The following TNFAIP8 variants were observed in gnomAD, a reference collection of about 807,000 sequenced individuals.
TNFAIP8 encodes tumor necrosis factor alpha-induced protein 8.
Under a neutral mutation model 13.3 loss-of-function variants are expected in TNFAIP8, and 7 were observed. The observed-to-expected ratio is 0.52, with a 90% CI of 0.30 to 0.99. TNFAIP8 has a LOEUF of 0.99. TNFAIP8 is among the 50% of genes least tolerant of loss of function. TNFAIP8 has a pLI of 0.07. For missense variants in TNFAIP8, 258 were observed against 236.9 expected, an observed-to-expected ratio of 1.09 and a Z score of -0.58; for synonymous variants, 94 against 87.6, an observed-to-expected ratio of 1.07 and a Z score of -0.41.
intron 1 of TNFAIP8, among the ~76,000 whole-genome samples, chr5:119,360,717 T>C (rs1340818272): frequency 6.6e-6 from 1 of 152,108 alleles, no homozygotes; most frequent in Non-Finnish European, 1.5e-5. Flanking sequence ...TCCTGGGTAT[T>C]TGTATGCACT....
intron 1 of TNFAIP8, among the ~76,000 whole-genome samples, chr5:119,292,682 AT>A (rs1259674047): frequency 2.4e-5 from 1 of 41,212 alleles, no homozygotes; most frequent in African/African-American, 6.0e-5. Context: ...ATATATATAT[AT>A]ATACACACAC....
At chr5:119,314,238 G>T (rs1469184902) in intron 1 of TNFAIP8, among the ~76,000 whole-genome samples, 1 of 152,204 alleles carries the variant, frequency 6.6e-6, no homozygotes, top group Non-Finnish European at 1.5e-5. Context: ...TTGTTCATTT[G>T]TGAATCTCCA....
intron 1 of TNFAIP8, among the ~76,000 whole-genome samples, chr5:119,329,886 G>A (rs1166389574): frequency 6.6e-6 from 1 of 151,946 alleles, no homozygotes; most frequent in Non-Finnish European, 1.5e-5. Flanking sequence ...TATGTGAGAA[G>A]TGAGTCTGAC....
chr5:119,355,964 G>T (rs1269602138), upstream of TNFAIP8: 22 of 1,484,244 alleles, frequency 1.5e-5, no homozygotes, highest in Non-Finnish European at 2.0e-5. Flanking sequence ...CCCCGGGGAG[G>T]TTTTGATTTT....
At chr5:119,333,550 A>T (rs1238309185) in intron 1 of TNFAIP8, 1 of 1,534,510 alleles carries the variant, frequency 6.5e-7, no homozygotes, top group Admixed American at 2.0e-5. Flanking sequence ...GGTTGCATGC[A>T]TTCCTCAAGT....
upstream of TNFAIP8, chr5:119,355,894 A>C: frequency 3.3e-6 from 4 of 1,205,656 alleles, no homozygotes; most frequent in Non-Finnish European, 3.1e-6. Flanking sequence ...CTGACACGCG[A>C]TTCGTCACTC....
intron 1 of TNFAIP8, among the ~76,000 whole-genome samples, chr5:119,358,291 C>CT (rs1356413441): frequency 6.6e-6 from 1 of 152,122 alleles, no homozygotes; most frequent in Non-Finnish European, 1.5e-5. Context: ...GGGGTTGAAT[C>CT]TAAGTCCTTG....
At chr5:119,269,542 C>T (rs1315218381) in intron 1 of TNFAIP8, among the ~76,000 whole-genome samples, 1 of 152,208 alleles carries the variant, frequency 6.6e-6, no homozygotes, top group Non-Finnish European at 1.5e-5. Flanking sequence ...GCTCCACGGA[C>T]TCCTCGCGAC....
chr5:119,388,332 A>G (rs1580450626), intron 1 of TNFAIP8, among the ~76,000 whole-genome samples: 1 of 152,216 alleles, frequency 6.6e-6, no homozygotes, highest in African/African-American at 2.4e-5. Flanking sequence ...ACCTTTTAAT[A>G]CAACAAACAA....
intron 1 of TNFAIP8, among the ~76,000 whole-genome samples, chr5:119,305,315 A>C (rs540489621): frequency 6.6e-6 from 1 of 152,338 alleles, no homozygotes; most frequent in South Asian, 2.1e-4. Context: ...CTAGTTCTCA[A>C]GGAGGAGATG....
intron 1 of TNFAIP8, among the ~76,000 whole-genome samples, chr5:119,365,437 T>C (rs1751811522): frequency 6.6e-6 from 1 of 152,220 alleles, no homozygotes; most frequent in Non-Finnish European, 1.5e-5. Context: ...GCTTATTCCT[T>C]GTGAGAACCA....
At chr5:119,307,868 A>G in intron 1 of TNFAIP8, among the ~76,000 whole-genome samples, 1 of 152,236 alleles carries the variant, frequency 6.6e-6, no homozygotes, top group East Asian at 1.9e-4. Flanking sequence ...GCAATCTTGG[A>G]AACAAGCCAG....
At chr5:119,358,946 G>A (rs1751536394) in intron 1 of TNFAIP8, among the ~76,000 whole-genome samples, 1 of 152,042 alleles carries the variant, frequency 6.6e-6, no homozygotes, top group Non-Finnish European at 1.5e-5. Flanking sequence ...CTCCTCCATT[G>A]CCCATAGTAG....
chr5:119,397,153 A>AC lies in TNFAIP8; in HGVS notation c.*3772_*3773insC, dbSNP rs1753093718. ...CACACACACACACACACACACACAC[A>AC]ATTTTTAAGCCCCCAAAGGCTTAAA... On this transcript the variant is annotated 3_prime_UTR_variant, in exon 2 of 2. Coordinates refer to ENST00000504771, the MANE Select transcript of TNFAIP8 (RefSeq NM_014350.4). The AC allele has an allele frequency of 2.1e-5, 3 of 142,864 alleles. No homozygotes were observed. The highest frequency in any genetic ancestry group is 3.1e-5 in the Non-Finnish European group (2 of 64,356). 8.8% of individuals were successfully genotyped at this position (142,864 alleles called of 1,614,324 possible).
At chr5:119,338,212 CTT>C (rs1750623875) in intron 1 of TNFAIP8, among the ~76,000 whole-genome samples, 8 of 79,044 alleles carry the variant, frequency 1.0e-4, no homozygotes, top group Non-Finnish European at 2.6e-4. Context: ...ACACACACAC[CTT>C]CTCAGCACCT....
intron 1 of TNFAIP8, among the ~76,000 whole-genome samples, chr5:119,326,051 T>C (rs899516289): frequency 2.0e-5 from 3 of 152,232 alleles, no homozygotes; most frequent in African/African-American, 4.8e-5. Flanking sequence ...AATGTCAGTT[T>C]TGTAACACAG....
chr5:119,321,009 G>T (rs944837389), intron 1 of TNFAIP8, among the ~76,000 whole-genome samples: 2 of 152,246 alleles, frequency 1.3e-5, no homozygotes, highest in Non-Finnish European at 2.9e-5. Flanking sequence ...AAGGTCAGGA[G>T]ATTGAGGCCA....
chr5:119,365,081 A>T (rs1235228671), intron 1 of TNFAIP8, among the ~76,000 whole-genome samples: 1 of 151,754 alleles, frequency 6.6e-6, no homozygotes, highest in Non-Finnish European at 1.5e-5. Flanking sequence ...CAAACTCCTG[A>T]CCTCAGGTGA....
intron 1 of TNFAIP8, among the ~76,000 whole-genome samples, chr5:119,288,715 C>T (rs550672133): frequency 1.2e-3 from 178 of 152,304 alleles, no homozygotes; most frequent in Non-Finnish European, 2.3e-3. Context: ...CAATCTCTAA[C>T]CTCTTTTTTC....
Sources: gnomAD v4.1 joint callset for allele counts (sites outside exome capture counted in the v4.1 genomes callset) on GRCh38, gnomAD v4.1.1 for gene constraint, MANE v1.5 for transcripts, NCBI Gene and HGNC (gene_info 2026-07-23, HGNC 2026-07-21) for gene names.